Variants in GIGYF2 observed in about 807,000 individuals in gnomAD.
GIGYF2 encodes GRB10-interacting GYF protein 2.
GIGYF2 carries 25 observed loss-of-function variants against 208.1 expected under a neutral mutation model. That is an observed-to-expected ratio of 0.12 (90% CI 0.09 to 0.17). The LOEUF is 0.17. GIGYF2 is among the 10% of genes least tolerant of loss of function. The pLI is 1.00. For synonymous variants in GIGYF2, 534 were observed against 543.8 expected (o/e 0.98, Z 0.25); for missense variants, 1,302 against 1,579.4 (o/e 0.82, Z 2.98).
chr2:232,748,137 A>G (rs752518659), intron 4 of GIGYF2, among the ~76,000 whole-genome samples: 5 of 152,242 alleles, frequency 3.3e-5, no homozygotes, highest in Non-Finnish European at 7.3e-5. Context: ...CTTCGGCTAT[A>G]TAAAATTTTC....
In GIGYF2 at chr2:232,857,144, G is replaced by C. The variant is rs1329340861; in HGVS notation, c.*284G>C. 3.9e-6 allele frequency: 2 copies of C among 510,094 alleles called. No individual in the cohort carries two copies. Among genetic ancestry groups the C allele is most frequent in the Non-Finnish European group, 7.1e-6 (2 of 280,940 alleles). The allele number at this position is 510,094 out of a possible 1,614,324, so 31.6% of individuals were successfully genotyped here. On this transcript the variant is annotated 3_prime_UTR_variant, in exon 29 of 29. Transcript: ENST00000373563. ...TGATTTTAGGCAGCATGTGTTCACT[G>C]TGCTGTGATTTCATCTACTGTCTCC...
intron 8 of GIGYF2, 134 bp downstream of exon 8, chr2:232,761,570 G>T: frequency 1.6e-6 from 1 of 632,990 alleles, no homozygotes; most frequent in Non-Finnish European, 2.9e-6. Context: ...TCTACTGCAT[G>T]AAACCAGAGA....
At position 232,858,357 on chromosome 2, in the gene GIGYF2, T is replaced by C; in HGVS notation, c.*1497T>C. The C allele has an allele frequency of 2.4e-6, 1 of 410,410 alleles. No individual in the cohort carries two copies. Among genetic ancestry groups the C allele is most frequent in the Non-Finnish European group, 4.7e-6 (1 of 211,156 alleles). 25.4% of individuals were successfully genotyped at this position (410,410 alleles called of 1,614,324 possible). On this transcript the variant is annotated 3_prime_UTR_variant, in exon 29 of 29. Coordinates refer to ENST00000373563, the MANE Select transcript of GIGYF2 (RefSeq NM_001103146.3). ...TATTATTTTGGATCACCATTCTCCCTATCCCTTCTTGCCTCCCTCCCTTCT... is the reference window on the plus strand; with the variant it reads ...TATTATTTTGGATCACCATTCTCCCCATCCCTTCTTGCCTCCCTCCCTTCT...
At chr2:232,700,857 A>G (rs931744916) in intron 1 of GIGYF2, among the ~76,000 whole-genome samples, 2 of 152,330 alleles carry the variant, frequency 1.3e-5, no homozygotes, top group African/African-American at 4.8e-5. Context: ...ATAGAAGTTT[A>G]AAATAAGATA....
At chr2:232,773,990 G>C (rs375889382) in intron 8 of GIGYF2, among the ~76,000 whole-genome samples, 3 of 148,006 alleles carry the variant, frequency 2.0e-5, no homozygotes, top group Admixed American at 6.7e-5. Context: ...TACAGATAAC[G>C]AAAGTGAGGA....
rs1690616407 is a variant in GIGYF2 at position 232,857,340 on chromosome 2, A to G, written c.*480A>G. ...ACATTGGCCAATAACAAAACACCCC[A>G]TGGACTGTGACTCGAGTATCCAACA... is the stretch of plus-strand genomic sequence containing the variant. On this transcript the variant is annotated 3_prime_UTR_variant, in exon 29 of 29. Coordinates refer to ENST00000373563, the MANE Select transcript of GIGYF2 (RefSeq NM_001103146.3). 2 of 208,702 alleles carry G rather than the reference A, an allele frequency of 9.6e-6. No individual in the cohort carries two copies. Among genetic ancestry groups the G allele is most frequent in the South Asian group, 1.6e-4 (2 of 12,838 alleles). 12.9% of individuals were successfully genotyped at this position (208,702 alleles called of 1,614,324 possible). A position where few individuals can be genotyped will look rare whatever the true frequency, so the allele number is the denominator to read the frequency against.
intron 20 of GIGYF2, 108 bp from the exon 21 acceptor site, chr2:232,819,719 C>G (rs1701019486): frequency 2.9e-6 from 2 of 688,246 alleles, no homozygotes; most frequent in Non-Finnish European, 5.3e-6. Context: ...TACTGTTTAA[C>G]AGAGTCTTAG....
intron 14 of GIGYF2, among the ~76,000 whole-genome samples, chr2:232,799,489 G>T (rs913181095): frequency 6.6e-6 from 1 of 151,900 alleles, no homozygotes; most frequent in Non-Finnish European, 1.5e-5. Flanking sequence ...GTTGGAAGCT[G>T]CAGTGAGCTA....
chr2:232,810,857 C>T (rs954265420), intron 16 of GIGYF2: 16 of 217,380 alleles, frequency 7.4e-5, no homozygotes, highest in Admixed American at 1.6e-4. Flanking sequence ...ACAAAGGGTA[C>T]GTCATATGGT....
chr2:232,781,026 C>T (rs1223208056), intron 8 of GIGYF2, among the ~76,000 whole-genome samples: 3 of 151,884 alleles, frequency 2.0e-5, no homozygotes, highest in East Asian at 1.9e-4. Flanking sequence ...GGCACAATCT[C>T]GGCTCACTGC....
intron 8 of GIGYF2, among the ~76,000 whole-genome samples, chr2:232,779,470 A>C (rs1699638340): frequency 6.6e-6 from 1 of 152,154 alleles, no homozygotes; most frequent in African/African-American, 2.4e-5. Flanking sequence ...TGGCCTATGT[A>C]AGTAGGTAAT....
intron 3 of GIGYF2, among the ~76,000 whole-genome samples, chr2:232,741,433 CCTTTTTTTTTTTT>C (rs1190451455): frequency 1.3e-5 from 2 of 150,672 alleles, no homozygotes; most frequent in African/African-American, 2.4e-5. Context: ...TTCCTGGCTT[CCTTTTTTTTTTTT>C]CTTTTTTTTT....
chr2:232,734,109 CTTTTTTTT>C (rs35593823), intron 2 of GIGYF2, among the ~76,000 whole-genome samples: 1 of 122,470 alleles, frequency 8.2e-6, no homozygotes, highest in Non-Finnish European at 1.7e-5. Flanking sequence ...TATTTTAAAA[CTTTTTTTT>C]TTTTTTTTTT....
At position 232,749,094 on chromosome 2, in the gene GIGYF2, G is replaced by T. The variant is rs1236167096; in HGVS notation, c.267+12G>T. The T allele has an allele frequency of 2.3e-6, 3 of 1,297,000 alleles. No homozygotes were observed. In the South Asian group the frequency reaches 3.5e-5, roughly 15 times the overall value. 80.3% of individuals were successfully genotyped at this position (1,297,000 alleles called of 1,614,324 possible). Reference sequence around the variant, plus strand: ...CAGAAGAAGAACAGGTTTGTGATTAGCTCTGAGCCCCAGCAAACTCTTATT... The same window carrying T: ...CAGAAGAAGAACAGGTTTGTGATTATCTCTGAGCCCCAGCAAACTCTTATT... On this transcript the variant is annotated intron_variant, in intron 5 of 28. Transcript: ENST00000373563.
At chr2:232,831,528 G>A (rs990977377) in intron 21 of GIGYF2, among the ~76,000 whole-genome samples, 8 of 152,180 alleles carry the variant, frequency 5.3e-5, no homozygotes, top group African/African-American at 1.9e-4. Flanking sequence ...GAATATACAA[G>A]AAGTAAGCGC....
Position 232,786,331 on chromosome 2 carries a change from G to T in GIGYF2, c.533-819G>T, listed in dbSNP as rs1699906951. Among the ~76,000 whole-genome samples the T allele has an allele frequency of 2.6e-5, 4 of 152,066 alleles. No homozygotes were observed. In the South Asian group the frequency reaches 6.2e-4, roughly 24 times the overall value. On this transcript the variant is annotated intron_variant, in intron 8 of 28. Coordinates refer to ENST00000373563, the MANE Select transcript of GIGYF2 (RefSeq NM_001103146.3). ...CTGCTTACCGCGACCTCCGCCTCCT[G>T]GGTTCAAGCCATTCTCCTGCCTCAG...
At chr2:232,845,644 A>G in intron 25 of GIGYF2, 88 bp from the exon 26 acceptor site, 1 of 1,163,962 alleles carries the variant, frequency 8.6e-7, no homozygotes, top group Non-Finnish European at 1.3e-6. Context: ...TCCATCCAGT[A>G]TTGCCAAGAC....
At chr2:232,732,490 T>G (rs893535080) in intron 2 of GIGYF2, among the ~76,000 whole-genome samples, 4 of 152,168 alleles carry the variant, frequency 2.6e-5, no homozygotes, top group Non-Finnish European at 4.4e-5. Flanking sequence ...AACAGCGGTT[T>G]AAAAAATTGG....
intron 5 of GIGYF2, among the ~76,000 whole-genome samples, chr2:232,752,943 C>A (rs1698389025): frequency 6.6e-6 from 1 of 152,084 alleles, no homozygotes; most frequent in Non-Finnish European, 1.5e-5. Context: ...CCACTTATTA[C>A]TCTTCCTCAG....
Sources: gnomAD v4.1 joint callset for allele counts (sites outside exome capture counted in the v4.1 genomes callset) on GRCh38, gnomAD v4.1.1 for gene constraint, MANE v1.5 for transcripts, NCBI Gene and HGNC (gene_info 2026-07-23, HGNC 2026-07-21) for gene names.